Variants in M1AP observed in about 807,000 individuals in gnomAD.
M1AP encodes the protein meiosis 1 arrest protein.
Under a neutral mutation model 51.2 loss-of-function variants are expected in M1AP, and 39 were observed. The observed-to-expected ratio is 0.76, with a 90% CI of 0.59 to 1.00. M1AP has a LOEUF of 1.00. Among genes scored for constraint, M1AP ranks in the 50% least tolerant of loss-of-function variants. The pLI is 0.00. For synonymous variants in M1AP, 251 were observed against 249.2 expected (o/e 1.01, Z -0.07); for missense variants, 545 against 641.2 (o/e 0.85, Z 1.62).
At chr2:74,626,712 G>C (rs899477396) in intron 2 of M1AP, among the ~76,000 whole-genome samples, 1 of 152,236 alleles carries the variant, frequency 6.6e-6, no homozygotes, top group African/African-American at 2.4e-5. Context: ...GATGCTGTGA[G>C]TATGGATCTA....
At chr2:74,562,909 C>T (rs1213695303) in intron 7 of M1AP, among the ~76,000 whole-genome samples, 1 of 152,060 alleles carries the variant, frequency 6.6e-6, no homozygotes, top group Admixed American at 6.6e-5. Context: ...GAGTGAGACC[C>T]TCTCTGTCTC....
intron 4 of M1AP, among the ~76,000 whole-genome samples, chr2:74,591,435 T>TA (rs1680030640): frequency 6.6e-6 from 1 of 152,198 alleles, no homozygotes; most frequent in African/African-American, 2.4e-5. Context: ...CTAATACATA[T>TA]ATTCTATAAA....
intron 4 of M1AP, among the ~76,000 whole-genome samples, chr2:74,598,381 C>CAATAAATAAATA (rs112411965): frequency 0.011 from 1,684 of 149,278 alleles, 33 homozygotes; most frequent in African/African-American, 0.04. Context: ...GACTCCATGT[C>CAATAAATAAATA]AATAAATAAA....
intron 1 of M1AP, among the ~76,000 whole-genome samples, chr2:74,641,117 G>A (rs1301788084): frequency 6.6e-6 from 1 of 152,186 alleles, no homozygotes; most frequent in Non-Finnish European, 1.5e-5. Context: ...TTCTTTGGTT[G>A]TCTGAATCTC....
At chr2:74,564,692 T>C (rs1678261041) in intron 7 of M1AP, among the ~76,000 whole-genome samples, 1 of 152,038 alleles carries the variant, frequency 6.6e-6, no homozygotes, top group Non-Finnish European at 1.5e-5. Flanking sequence ...TGGAAATAAA[T>C]GGTATACAAA....
chr2:74,592,742 G>T (rs973360811), intron 4 of M1AP, among the ~76,000 whole-genome samples: 14 of 152,122 alleles, frequency 9.2e-5, no homozygotes, highest in African/African-American at 3.4e-4. Flanking sequence ...AGATTGTAAA[G>T]AAATTCACCA....
chr2:74,623,625 T>C (rs1682201337), intron 2 of M1AP, among the ~76,000 whole-genome samples: 1 of 152,168 alleles, frequency 6.6e-6, no homozygotes, highest in Admixed American at 6.5e-5. Flanking sequence ...GCAAATCTAA[T>C]GTGCAGCTAA....
At chr2:74,618,144 C>A (rs1250161505) in intron 2 of M1AP, among the ~76,000 whole-genome samples, 3 of 152,132 alleles carry the variant, frequency 2.0e-5, no homozygotes, top group African/African-American at 4.8e-5. Context: ...ACAAGGAAGG[C>A]AAGTGGGTAA....
rs570785568 is a variant in M1AP, at chr2:74,634,300, GCAA to G, written c.240+5733_240+5735del. Among the ~76,000 whole-genome samples, 3 of 152,250 alleles carry G rather than the reference GCAA, an allele frequency of 2.0e-5. No individual in the cohort carries two copies. The South Asian group carries it at 6.2e-4, about 32-fold the overall frequency. On this transcript the variant is annotated intron_variant, in intron 2 of 10. Transcript: ENST00000421985. ...TTACTATAGAGGCAATTTCATAAGG[GCAA>G]AACTACCAGTAGGAAGTACCTGAGG...
intron 4 of M1AP, among the ~76,000 whole-genome samples, chr2:74,599,053 G>C (rs1193034212): frequency 6.6e-6 from 1 of 152,012 alleles, no homozygotes; most frequent in Non-Finnish European, 1.5e-5. Context: ...CGAGGTGGGC[G>C]GATCACCTGA....
Position 74,576,504 on chromosome 2 carries a change from T to G in M1AP, c.884A>C (p.Gln295Pro), listed in dbSNP as rs1400552356. The G allele has an allele frequency of 2.5e-6, 4 of 1,614,084 alleles. No individual in the cohort carries two copies. In the South Asian group the frequency reaches 4.4e-5, roughly 18 times the overall value. The change falls in exon 6 of 11, where the codon CAG (glutamine) becomes CCG (proline). Residue 295 changes from glutamine (Q) to proline (P), a missense_variant. Physicochemically the swap from Gln to Pro is moderately conservative, Grantham distance 76. Coordinates refer to ENST00000421985, the MANE Select transcript of M1AP (RefSeq NM_001321739.2). ...AGAGGCCGATGACTGGGAAGCCATC[T>G]GGTAGAGTGTGATGAAGTCTCCTTT... is the stretch of plus-strand genomic sequence containing the variant. ...DPKGDFITLYQMASQSSASHY... is the reference protein window; with the variant it reads ...DPKGDFITLYPMASQSSASHY...
At chr2:74,626,756 C>T (rs763537923) in intron 2 of M1AP, among the ~76,000 whole-genome samples, 2 of 152,262 alleles carry the variant, frequency 1.3e-5, no homozygotes, top group East Asian at 3.9e-4. Flanking sequence ...TCCAGCTGAT[C>T]CAAACATTTA....
At chr2:74,610,613 T>C (rs980156325) in intron 3 of M1AP, among the ~76,000 whole-genome samples, 2 of 152,150 alleles carry the variant, frequency 1.3e-5, no homozygotes, top group African/African-American at 4.8e-5. Flanking sequence ...CACTCTCAGC[T>C]AGTTTTTCCA....
chr2:74,638,438 G>C (rs942112957), intron 2 of M1AP, among the ~76,000 whole-genome samples: 1 of 152,122 alleles, frequency 6.6e-6, no homozygotes, highest in Admixed American at 6.5e-5. Flanking sequence ...TGAGGCAAGA[G>C]GGTAAATCAG....
At chr2:74,622,563 T>C (rs1408731840) in intron 2 of M1AP, among the ~76,000 whole-genome samples, 1 of 135,242 alleles carries the variant, frequency 7.4e-6, no homozygotes, top group East Asian at 2.9e-4. Flanking sequence ...TTTTTTTTTT[T>C]CTATTTTTAA....
At chr2:74,598,055 T>C (rs961814320) in intron 4 of M1AP, among the ~76,000 whole-genome samples, 2 of 152,234 alleles carry the variant, frequency 1.3e-5, no homozygotes, top group African/African-American at 4.8e-5. Context: ...CTTGCCACGT[T>C]GACTTTTATT....
chr2:74,575,757 G>A (rs1170911727), intron 6 of M1AP, among the ~76,000 whole-genome samples, 178 bp from the exon 7 acceptor site: 1 of 152,276 alleles, frequency 6.6e-6, no homozygotes, highest in Non-Finnish European at 1.5e-5. Context: ...ACAGAAGATT[G>A]TCAAAGTTCA....
At chr2:74,625,393 C>T (rs1443343138) in intron 2 of M1AP, among the ~76,000 whole-genome samples, 2 of 151,892 alleles carry the variant, frequency 1.3e-5, no homozygotes, top group Non-Finnish European at 2.9e-5. Flanking sequence ...TGTTCTTTTC[C>T]AAGCATACAT....
At chr2:74,637,755 C>T (rs1683067658) in intron 2 of M1AP, among the ~76,000 whole-genome samples, 1 of 152,144 alleles carries the variant, frequency 6.6e-6, no homozygotes. Context: ...AGGTACTATT[C>T]CAGTTGTGAG....
Sources: allele counts gnomAD v4.1 joint callset (sites outside exome capture counted in the v4.1 genomes callset), GRCh38; gene constraint gnomAD v4.1.1; transcripts MANE v1.5; gene names NCBI Gene and HGNC (gene_info 2026-07-23, HGNC 2026-07-21).